RAPGEF2: variants seen among roughly 807,000 people sequenced by gnomAD.
RAPGEF2 encodes the protein PDZ domain containing guanine nucleotide exchange factor (GEF) 1.
A neutral mutation model predicts 186.7 loss-of-function variants in RAPGEF2; 54 were observed. The ratio of observed to expected loss-of-function variants is 0.29; its 90% CI spans 0.23 to 0.36. The LOEUF is 0.36. Among genes scored for constraint, RAPGEF2 ranks in the 10% least tolerant of loss-of-function variants. RAPGEF2 has a pLI of 1.00. For missense variants in RAPGEF2, 1,532 were observed against 2,045.0 expected, an observed-to-expected ratio of 0.75 and a Z score of 4.84; for synonymous variants, 712 against 705.9, an observed-to-expected ratio of 1.01 and a Z score of -0.14.
intron 8 of RAPGEF2, among the ~76,000 whole-genome samples, chr4:159,305,322 C>T (rs970538870): frequency 4.6e-5 from 7 of 152,134 alleles, no homozygotes; most frequent in African/African-American, 7.2e-5. Context: ...GTTCTCTTAT[C>T]TCCACATCCT....
At chr4:159,337,889 CAAAAAAAAA>C (rs553291521) in intron 17 of RAPGEF2, among the ~76,000 whole-genome samples, 3 of 32,582 alleles carry the variant, frequency 9.2e-5, no homozygotes, top group Non-Finnish European at 1.7e-4. Context: ...GACTCCATCT[CAAAAAAAAA>C]AAAAAAAAAA....
At chr4:159,161,382 T>C (rs948163407) in intron 1 of RAPGEF2, among the ~76,000 whole-genome samples, 2 of 152,210 alleles carry the variant, frequency 1.3e-5, no homozygotes, top group Admixed American at 6.5e-5. Context: ...CCCTGTAGGT[T>C]TTCTTTTTGC....
chr4:159,234,601 G>A (rs1561121103), intron 4 of RAPGEF2, among the ~76,000 whole-genome samples: 1 of 149,298 alleles, frequency 6.7e-6, no homozygotes, highest in South Asian at 2.1e-4. Flanking sequence ...TGTCGCCCAG[G>A]CTGGAATGCA....
At chr4:159,158,626 T>G (rs897803357) in intron 1 of RAPGEF2, among the ~76,000 whole-genome samples, 2 of 152,158 alleles carry the variant, frequency 1.3e-5, no homozygotes, top group Admixed American at 6.6e-5. Flanking sequence ...GTAGCAACCC[T>G]TGGTGGTCGC....
chr4:159,280,986 C>CTTCTT (rs1554025029), intron 7 of RAPGEF2, among the ~76,000 whole-genome samples: 2,317 of 142,368 alleles, frequency 0.016, 73 homozygotes, highest in African/African-American at 0.056. Flanking sequence ...TTAACTACTT[C>CTTCTT]TTTTTTTTTT....
chr4:159,118,880 C>T (rs769285197), intron 1 of RAPGEF2, among the ~76,000 whole-genome samples: 3 of 152,102 alleles, frequency 2.0e-5, no homozygotes, highest in Non-Finnish European at 4.4e-5. Flanking sequence ...CCACCGCGCC[C>T]GGCCCTATTA....
chr4:159,253,901 G>C (rs1755803236), intron 7 of RAPGEF2, among the ~76,000 whole-genome samples: 1 of 152,082 alleles, frequency 6.6e-6, no homozygotes, highest in South Asian at 2.1e-4. Flanking sequence ...CCAGGAGGCG[G>C]AGCTGGCAGT....
At chr4:159,233,952 C>A (rs1752941126) in intron 4 of RAPGEF2, among the ~76,000 whole-genome samples, 1 of 151,818 alleles carries the variant, frequency 6.6e-6, no homozygotes, top group South Asian at 2.1e-4. Context: ...AGCGTGAGTC[C>A]TCATTGTTCT....
intron 1 of RAPGEF2, among the ~76,000 whole-genome samples, chr4:159,131,519 A>ATTGGT: frequency 0.017 from 615 of 36,944 alleles, 85 homozygotes; most frequent in African/African-American, 0.049. Flanking sequence ...ATTAATTGCT[A>ATTGGT]TTTTTTTTTT....
rs756644212 is a variant in RAPGEF2 at position 159,330,523 on chromosome 4, T to C, written c.1467+25T>C. The C allele has an allele frequency of 3.9e-5, 60 of 1,540,952 alleles. No homozygotes were observed. In the East Asian group the frequency reaches 1.2e-3, roughly 32 times the overall value. ...GGTTGGAAATATATTCTATTTTGTCTCTTAAATATGAAATGTAAACCTAAA... is the reference window on the plus strand; with the variant it reads ...GGTTGGAAATATATTCTATTTTGTCCCTTAAATATGAAATGTAAACCTAAA... On this transcript the variant is annotated intron_variant, in intron 13 of 29. Transcript: ENST00000691494.
intron 9 of RAPGEF2, among the ~76,000 whole-genome samples, chr4:159,315,353 C>T (rs989893256): frequency 4.6e-5 from 7 of 151,092 alleles, no homozygotes; most frequent in African/African-American, 1.7e-4. Context: ...AGGTCTGTTA[C>T]ATAGGAAAAC....
At chr4:159,320,384 CCTA>C (rs1765095188) in intron 9 of RAPGEF2, among the ~76,000 whole-genome samples, 1 of 152,148 alleles carries the variant, frequency 6.6e-6, no homozygotes, top group South Asian at 2.1e-4. Flanking sequence ...CACAGACACT[CCTA>C]CTCATTCCAG....
At chr4:159,351,094 G>C (rs961741583) in intron 26 of RAPGEF2, 8 of 1,534,412 alleles carry the variant, frequency 5.2e-6, no homozygotes, top group Non-Finnish European at 6.1e-6. Flanking sequence ...TTTTGGCTCC[G>C]GGCAGTTGGA....
intron 9 of RAPGEF2, among the ~76,000 whole-genome samples, chr4:159,319,787 GC>G (rs1252295573): frequency 6.6e-6 from 1 of 150,884 alleles, no homozygotes; most frequent in Non-Finnish European, 1.5e-5. Context: ...TTTAATGCTA[GC>G]CGCTACTTAT....
At chr4:159,201,511 A>T (rs1749410458) in intron 3 of RAPGEF2, among the ~76,000 whole-genome samples, 2 of 152,234 alleles carry the variant, frequency 1.3e-5, no homozygotes, top group Admixed American at 1.3e-4. Context: ...AGGATAGAGG[A>T]TAATTTGTTG....
chr4:159,191,248 A>G (rs1319308600), intron 2 of RAPGEF2, among the ~76,000 whole-genome samples: 1 of 152,210 alleles, frequency 6.6e-6, no homozygotes, highest in Non-Finnish European at 1.5e-5. Flanking sequence ...GCAGAAGACC[A>G]AGGACAGGTT....
At chr4:159,206,662 C>T (rs1392694636) in intron 3 of RAPGEF2, among the ~76,000 whole-genome samples, 1 of 152,208 alleles carries the variant, frequency 6.6e-6, no homozygotes. Flanking sequence ...TTGTACCCCA[C>T]ACGGAAACTC....
intron 11 of RAPGEF2, chr4:159,326,525 A>G (rs1765947898): frequency 6.6e-6 from 1 of 152,232 alleles, no homozygotes; most frequent in African/African-American, 2.4e-5. Context: ...TAAGAACACA[A>G]TGATGAATGG....
intron 7 of RAPGEF2, among the ~76,000 whole-genome samples, chr4:159,296,923 A>T (rs914952633): frequency 3.3e-5 from 5 of 152,254 alleles, no homozygotes; most frequent in Admixed American, 6.5e-5. Context: ...TTGAAACATT[A>T]GTCACCTTGT....
Sources: allele counts gnomAD v4.1 joint callset (sites outside exome capture counted in the v4.1 genomes callset), GRCh38; gene constraint gnomAD v4.1.1; transcripts MANE v1.5; gene names NCBI Gene and HGNC (gene_info 2026-07-23, HGNC 2026-07-21).